The following DYM variants were observed in gnomAD, a reference collection of about 807,000 sequenced individuals.
The protein encoded by DYM is dyggve-Melchior-Clausen syndrome protein.
A neutral mutation model predicts 93.1 loss-of-function variants in DYM; 78 were observed. The ratio of observed to expected loss-of-function variants is 0.84; its 90% CI spans 0.70 to 1.01. The LOEUF (loss-of-function observed/expected upper bound fraction) is 1.01. DYM is among the 50% of genes least tolerant of loss of function. DYM has a pLI of 0.00. For synonymous variants in DYM, 321 were observed against 319.7 expected (o/e 1.00, Z -0.04); for missense variants, 789 against 845.0 (o/e 0.93, Z 0.82).
chr18:49,369,018 G>A (rs755683518), intron 5 of DYM, among the ~76,000 whole-genome samples: 5 of 152,222 alleles, frequency 3.3e-5, no homozygotes, highest in African/African-American at 1.2e-4. Context: ...CTGAAAGCGC[G>A]GTGTGCACAG....
chr18:49,322,956 A>G (rs2062601463), intron 8 of DYM, among the ~76,000 whole-genome samples: 1 of 152,196 alleles, frequency 6.6e-6, no homozygotes, highest in Non-Finnish European at 1.5e-5. Flanking sequence ...GTTAATAAAT[A>G]GCAGGTCTGG....
intron 15 of DYM, among the ~76,000 whole-genome samples, chr18:49,131,943 G>C (rs1002466770): frequency 7.9e-5 from 12 of 152,136 alleles, no homozygotes; most frequent in African/African-American, 2.4e-4. Context: ...AAAAAAGAAA[G>C]ACAGGATTGC....
At chr18:49,412,263 C>G (rs2072342221) in intron 2 of DYM, among the ~76,000 whole-genome samples, 1 of 146,470 alleles carries the variant, frequency 6.8e-6, no homozygotes, top group South Asian at 2.2e-4. Context: ...AAATTCCAAC[C>G]AACACAGTGA....
chr18:49,218,808 G>A lies in DYM; in HGVS notation c.1461-9093C>T, dbSNP rs1021917807. ...AATGCCCACAAGAGAAAGCAGGACAGATCCAAAATTGACACCCTAACATCA... is the reference window on the plus strand; with the variant it reads ...AATGCCCACAAGAGAAAGCAGGACAAATCCAAAATTGACACCCTAACATCA... On this transcript the variant is annotated intron_variant, in intron 13 of 17. Coordinates refer to ENST00000675505, the MANE Select transcript of DYM (RefSeq NM_001353214.3). 4.9e-3 allele frequency among the ~76,000 whole-genome samples: 751 copies of A among 152,292 alleles called. 7 individuals carry two copies. The highest frequency in any genetic ancestry group is 0.017 in the African/African-American group (719 of 41,534).
chr18:49,042,610 T>C lies in DYM; in HGVS notation c.*1445A>G, dbSNP rs1275557517. On this transcript the variant is annotated 3_prime_UTR_variant, in exon 18 of 18. Transcript: ENST00000675505. ...GACACAGGACAGGAGAAGCCAGCCC[T>C]GACACAGATGAGCTGGCAGTGGATT... 1.3e-5 allele frequency: 2 copies of C among 152,290 alleles called. No homozygotes were observed. The highest frequency in any genetic ancestry group is 2.9e-5 in the Non-Finnish European group (2 of 68,066). 9.4% of individuals were successfully genotyped at this position (152,290 alleles called of 1,614,324 possible).
intron 14 of DYM, among the ~76,000 whole-genome samples, chr18:49,168,690 C>T (rs533273329): frequency 2.0e-5 from 3 of 152,172 alleles, no homozygotes; most frequent in African/African-American, 7.2e-5. Flanking sequence ...GAACTCAAGT[C>T]TACTGGGATG....
chr18:49,346,369 T>A (rs1046118050), intron 6 of DYM, among the ~76,000 whole-genome samples: 1 of 152,154 alleles, frequency 6.6e-6, no homozygotes, highest in Non-Finnish European at 1.5e-5. Flanking sequence ...AAATGCCAGA[T>A]ACAAAAGCCA....
intron 15 of DYM, among the ~76,000 whole-genome samples, chr18:49,122,679 C>A (rs2146064937): frequency 6.6e-6 from 1 of 152,286 alleles, no homozygotes; most frequent in East Asian, 1.9e-4. Context: ...CTTGAATCAT[C>A]CTGAAACCAC....
At chr18:49,447,591 G>T (rs1600346000) in intron 1 of DYM, among the ~76,000 whole-genome samples, 1 of 152,052 alleles carries the variant, frequency 6.6e-6, no homozygotes, top group Non-Finnish European at 1.5e-5. Context: ...GCTGGAAGAA[G>T]TCCTGGGGCA....
chr18:49,323,576 C>CAG (rs1227768839), intron 8 of DYM, among the ~76,000 whole-genome samples: 1 of 152,122 alleles, frequency 6.6e-6, no homozygotes, highest in African/African-American at 2.4e-5. Context: ...AAGAAAAGAC[C>CAG]AGAGCTTCCT....
At chr18:49,356,188 T>C (rs1330157545) in intron 6 of DYM, among the ~76,000 whole-genome samples, 1 of 152,158 alleles carries the variant, frequency 6.6e-6, no homozygotes, top group Non-Finnish European at 1.5e-5. Flanking sequence ...AGAATTAAAA[T>C]TTGCAGTTAT....
At chr18:49,099,359 C>A (rs2079891055) in intron 16 of DYM, among the ~76,000 whole-genome samples, 2 of 152,130 alleles carry the variant, frequency 1.3e-5, no homozygotes, top group Non-Finnish European at 2.9e-5. Flanking sequence ...ATCCCAGGGC[C>A]TAGTCAGGGA....
chr18:49,352,433 A>T (rs2065191221), intron 6 of DYM, among the ~76,000 whole-genome samples: 1 of 152,230 alleles, frequency 6.6e-6, no homozygotes, highest in African/African-American at 2.4e-5. Context: ...ACAAAAAGCT[A>T]AGAAATGCCA....
chr18:49,300,103 A>G (rs2060822592), intron 8 of DYM, among the ~76,000 whole-genome samples: 1 of 147,070 alleles, frequency 6.8e-6, no homozygotes, highest in Non-Finnish European at 1.5e-5. Flanking sequence ...ATATAAATAT[A>G]TAAATACATA....
At position 49,184,746 on chromosome 18, in the gene DYM, T is replaced by C. The variant is rs184168997; in HGVS notation, c.1626-20959A>G. Among the ~76,000 whole-genome samples the C allele has an allele frequency of 6.7e-4, 102 of 152,284 alleles. 2 individuals carry two copies. In the East Asian group the frequency reaches 0.018, roughly 28 times the overall value. ...TACACTATGCAGCACAGTGCACAATTAAAAACTTACGAATTTTCTATTTCT... is the reference window on the plus strand; with the variant it reads ...TACACTATGCAGCACAGTGCACAATCAAAAACTTACGAATTTTCTATTTCT... On this transcript the variant is annotated intron_variant, in intron 14 of 17. Coordinates refer to ENST00000675505, the MANE Select transcript of DYM (RefSeq NM_001353214.3).
intron 1 of DYM, among the ~76,000 whole-genome samples, chr18:49,436,602 T>C (rs1307008755): frequency 9.2e-5 from 14 of 152,218 alleles, no homozygotes; most frequent in Admixed American, 9.2e-4. Flanking sequence ...ACTACTTGTT[T>C]ACAGTGTGCT....
intron 14 of DYM, among the ~76,000 whole-genome samples, chr18:49,167,925 T>C (rs781073091): frequency 6.6e-6 from 1 of 152,164 alleles, no homozygotes; most frequent in Non-Finnish European, 1.5e-5. Flanking sequence ...AACTGTGGGA[T>C]AGTTATACAA....
chr18:49,097,692 G>C (rs1392865670), intron 16 of DYM, among the ~76,000 whole-genome samples, 177 bp from the exon 17 acceptor site: 2 of 152,170 alleles, frequency 1.3e-5, no homozygotes, highest in Non-Finnish European at 2.9e-5. Flanking sequence ...AGCCGAATCA[G>C]AGGCAACCCC....
At chr18:49,339,065 CAA>C (rs911484378) in intron 6 of DYM, among the ~76,000 whole-genome samples, 5 of 151,796 alleles carry the variant, frequency 3.3e-5, no homozygotes, top group African/African-American at 1.2e-4. Flanking sequence ...AAAAAAAAAT[CAA>C]AAGATATAAA....
Sources: allele counts gnomAD v4.1 joint callset (sites outside exome capture counted in the v4.1 genomes callset), GRCh38; gene constraint gnomAD v4.1.1; transcripts MANE v1.5; gene names NCBI Gene and HGNC (gene_info 2026-07-23, HGNC 2026-07-21).